The following BRD7 variants were observed in gnomAD, a reference collection of about 807,000 sequenced individuals.
BRD7 encodes bromodomain-containing protein 7.
Under a neutral mutation model 82.1 loss-of-function variants are expected in BRD7, and 15 were observed. The observed-to-expected ratio is 0.18, with a 90% CI of 0.12 to 0.28. The LOEUF (loss-of-function observed/expected upper bound fraction) is 0.28. Ranked by LOEUF, BRD7 falls within the 10% of genes least tolerant of loss-of-function variation. BRD7 has a pLI of 1.00. For missense variants in BRD7, 638 were observed against 779.9 expected (o/e 0.82, Z 2.17); for synonymous variants, 232 against 266.9 (o/e 0.87, Z 1.27).
chr16:50,316,807 CG>C lies in BRD7; in HGVS notation c.*2403del, dbSNP rs1258825767. 2.0e-5 allele frequency: 3 copies of C among 152,318 alleles called. No individual in the cohort carries two copies. Among genetic ancestry groups the C allele is most frequent in the Non-Finnish European group, 2.9e-5 (2 of 68,044 alleles). The allele number at this position is 152,318 out of a possible 1,614,324, so 9.4% of individuals were successfully genotyped here. A position where few individuals can be genotyped will look rare whatever the true frequency, so the allele number is the denominator to read the frequency against. On this transcript the variant is annotated 3_prime_UTR_variant, in exon 17 of 17. Coordinates refer to ENST00000394688, the MANE Select transcript of BRD7 (RefSeq NM_013263.5). ...ACTTTTTCTGAATGGACTTCATAACCGGAAGACTTAACCGGTGGCCTCATCA... is the reference window on the plus strand; with the variant it reads ...ACTTTTTCTGAATGGACTTCATAACCGAAGACTTAACCGGTGGCCTCATCA...
rs113038433 is a variant in BRD7, at chr16:50,334,759, C to A, written c.839G>T (p.Gly280Val). 1.7e-3 allele frequency: 2,667 copies of A among 1,613,988 alleles called. 41 individuals carry two copies. The African/African-American group carries it at 0.031, about 19-fold the overall frequency. ...CTTGAAGGCGTGTGCTTCGGCATCT[C>A]CAGAGTCCTCTCTCTCTCTCTGCCA... ...GCWQREREDS[G>V]DAEAHAFKSP... Residue 280 changes from glycine (G) to valine (V), a missense_variant, in exon 7 of 17, where the codon GGA becomes GTA. Around this residue, in one of 3 missense-constraint regions of BRD7, gnomAD observed 402 missense variants for 500.8 expected, o/e 0.80. Transcript: ENST00000394688.
intron 7 of BRD7, 23 bp downstream of exon 7, chr16:50,334,688 T>C (rs2037719467): frequency 1.9e-6 from 3 of 1,610,844 alleles, no homozygotes; most frequent in Non-Finnish European, 2.5e-6. Flanking sequence ...CAGTTTGACC[T>C]TAACATCCCA....
In BRD7 at chr16:50,368,721, C is replaced by T; in HGVS notation, c.49+5G>A. The stretch of plus-strand genomic sequence containing the variant: ...CCGCCGCCCGCACCCCGGCCCCCTC[C>T]TCACCCTCGTAGAGGTGTTTGTCCG... On this transcript the variant is annotated splice_donor_5th_base_variant and intron_variant, in intron 1 of 16. Coordinates refer to ENST00000394688, the MANE Select transcript of BRD7 (RefSeq NM_013263.5). The T allele has an allele frequency of 1.9e-6, 3 of 1,557,096 alleles. No homozygotes were observed. The highest frequency in any genetic ancestry group is 2.6e-6 in the Non-Finnish European group (3 of 1,153,514).
intron 2 of BRD7, among the ~76,000 whole-genome samples, chr16:50,362,678 T>C (rs1416450076): frequency 6.6e-6 from 1 of 152,124 alleles, no homozygotes; most frequent in African/African-American, 2.4e-5. Context: ...TTGTGCTAAA[T>C]GATATAGGAC....
chr16:50,339,323 A>G (rs372586230), intron 6 of BRD7, among the ~76,000 whole-genome samples: 3 of 152,214 alleles, frequency 2.0e-5, no homozygotes, highest in African/African-American at 7.2e-5. Context: ...GTGACCATCA[A>G]TGAGTACACT....
chr16:50,350,306 G>A, intron 4 of BRD7, 139 bp from the exon 5 acceptor site: 2 of 589,354 alleles, frequency 3.4e-6, no homozygotes, highest in South Asian at 4.5e-5. Flanking sequence ...ACTGAAAACT[G>A]AAGAAATGAT....
intron 5 of BRD7, among the ~76,000 whole-genome samples, chr16:50,348,725 T>C (rs1012281215): frequency 6.6e-6 from 1 of 152,164 alleles, no homozygotes; most frequent in Non-Finnish European, 1.5e-5. Flanking sequence ...TCACACCAGT[T>C]AGAACGGTGA....
intron 8 of BRD7, among the ~76,000 whole-genome samples, chr16:50,330,894 G>A (rs1371839642): frequency 7.2e-6 from 1 of 139,598 alleles, no homozygotes; most frequent in Non-Finnish European, 1.5e-5. Context: ...GTTACTAAAA[G>A]TTAAAATAGT....
chr16:50,319,342 G>A (rs2036964877), intron 16 of BRD7, 76 bp from the exon 17 acceptor site: 1 of 1,440,118 alleles, frequency 6.9e-7, no homozygotes, highest in African/African-American at 1.4e-5. Context: ...AAGTCAAGCT[G>A]CCATCCAGAA....
intron 9 of BRD7, among the ~76,000 whole-genome samples, chr16:50,327,657 A>G (rs2151143555): frequency 1.3e-5 from 2 of 152,272 alleles, no homozygotes; most frequent in South Asian, 2.1e-4. Context: ...CAACCTAAAC[A>G]TCATCTCCTT....
At chr16:50,364,826 T>C (rs923668084) in intron 2 of BRD7, among the ~76,000 whole-genome samples, 6 of 152,152 alleles carry the variant, frequency 3.9e-5, no homozygotes, top group Admixed American at 1.3e-4. Context: ...GATATAAAGA[T>C]AACGAATAAA....
intron 10 of BRD7, 131 bp from the exon 11 acceptor site, chr16:50,326,014 T>G: frequency 1.0e-6 from 1 of 1,001,902 alleles, no homozygotes; most frequent in Non-Finnish European, 1.4e-6. Flanking sequence ...CTAAGATATT[T>G]TCTCTCAAAC....
rs1306679269 is a variant in BRD7 at position 50,334,943 on chromosome 16, T to C, written c.703-48A>G. On this transcript the variant is annotated intron_variant, in intron 6 of 16. Coordinates refer to ENST00000394688, the MANE Select transcript of BRD7 (RefSeq NM_013263.5). ...TTATTATATGTTTGTCATTAACTTT[T>C]AAAGTAATGCATTTTTTTCCCCACA... The C allele has an allele frequency of 3.8e-6, 6 of 1,559,492 alleles. No homozygotes were observed. The African/African-American group carries it at 5.5e-5, about 14-fold the overall frequency.
intron 2 of BRD7, among the ~76,000 whole-genome samples, chr16:50,359,406 T>C (rs1159408569): frequency 6.6e-6 from 1 of 152,244 alleles, no homozygotes; most frequent in African/African-American, 2.4e-5. Context: ...TTAAATGTGA[T>C]AGTTTATGTA....
chr16:50,353,791 G>A (rs1159235309), intron 4 of BRD7, among the ~76,000 whole-genome samples: 2 of 150,022 alleles, frequency 1.3e-5, no homozygotes, highest in Non-Finnish European at 3.0e-5. Flanking sequence ...GTACAGATGG[G>A]GTTTCACCAT....
chr16:50,363,762 C>T (rs1337456192), intron 2 of BRD7, among the ~76,000 whole-genome samples: 1 of 152,080 alleles, frequency 6.6e-6, no homozygotes, highest in East Asian at 1.9e-4. Context: ...ATTCACTCCC[C>T]GCAACTAAAA....
chr16:50,358,043 T>C (rs578078792), intron 2 of BRD7, among the ~76,000 whole-genome samples: 1 of 152,290 alleles, frequency 6.6e-6, no homozygotes, highest in African/African-American at 2.4e-5. Context: ...CATTTAGGCT[T>C]TGTGGCCCAT....
Position 50,368,210 on chromosome 16 carries a change from G to A in BRD7, c.138C>T (p.Ser46=). 2 of 1,614,220 alleles carry A rather than the reference G, an allele frequency of 1.2e-6. No individual in the cohort carries two copies. Among genetic ancestry groups the A allele is most frequent in the South Asian group, 1.1e-5 (1 of 91,090 alleles). Residue 46 remains serine, a synonymous_variant, in exon 2 of 17, where the codon TCC becomes TCT. Coordinates refer to ENST00000394688, the MANE Select transcript of BRD7 (RefSeq NM_013263.5). ...GATCGTTTTTGTCTTCGAAGAGGCT[G>A]GAGTCGTGCCCCGAGCTGCCCGTGG... ...ELSTGSSGHD[S]SLFEDKNDHD...
chr16:50,352,524 T>C (rs1486062590), intron 4 of BRD7, among the ~76,000 whole-genome samples: 2 of 152,220 alleles, frequency 1.3e-5, no homozygotes, highest in African/African-American at 2.4e-5. Context: ...AGGTATCTCC[T>C]GGACATACTG....
Sources: allele counts gnomAD v4.1 joint callset (sites outside exome capture counted in the v4.1 genomes callset), GRCh38; gene constraint gnomAD v4.1.1; regional missense constraint gnomAD v4.1.1; transcripts MANE v1.5; gene names NCBI Gene and HGNC (gene_info 2026-07-23, HGNC 2026-07-21).